Variants in PRH1 observed in about 807,000 individuals in gnomAD.
The protein encoded by PRH1 is salivary acidic proline-rich phosphoprotein 1/2.
A neutral mutation model predicts 7.9 loss-of-function variants in PRH1; 7 were observed. The observed-to-expected ratio is 0.89, with a 90% CI of 0.50 to 1.67. PRH1 has a LOEUF of 1.67. Ranked by LOEUF, PRH1 falls within the 40% of genes most tolerant of loss-of-function variation. The pLI is 0.00. For synonymous variants in PRH1, 45 were observed against 80.8 expected (o/e 0.56, Z 2.38); for missense variants, 109 against 223.6 (o/e 0.49, Z 3.27).
At position 10,882,124 on chromosome 12, in the gene PRH1, A is replaced by G. The variant is rs1390813447; in HGVS notation, c.*18+93T>C. 12 of 1,571,444 alleles carry G rather than the reference A, an allele frequency of 7.6e-6. No individual in the cohort carries two copies. The South Asian group carries it at 9.7e-5, about 13-fold the overall frequency. The stretch of plus-strand genomic sequence containing the variant: ...TAGAAATGTGTTCCAGGACAGGGCA[A>G]TATTAACAGGTTTTCAGAGGATTCA... On this transcript the variant is annotated intron_variant, in intron 3 of 3. Transcript: ENST00000543626.
At chr12:11,136,090 C>A (rs1448793227) in intron 1 of PRH1, among the ~76,000 whole-genome samples, 1 of 152,134 alleles carries the variant, frequency 6.6e-6, no homozygotes, top group African/African-American at 2.4e-5. Flanking sequence ...CCCCCTAAAC[C>A]CTTCTTCACA....
intron 1 of PRH1, among the ~76,000 whole-genome samples, chr12:11,114,063 C>G (rs749592189): frequency 6.6e-6 from 1 of 151,992 alleles, no homozygotes; most frequent in Non-Finnish European, 1.5e-5. Flanking sequence ...GGTGGGAGTG[C>G]AAATTAGTTC....
intron 1 of PRH1, among the ~76,000 whole-genome samples, chr12:11,165,632 T>C (rs1947551283): frequency 6.6e-6 from 1 of 152,246 alleles, no homozygotes; most frequent in African/African-American, 2.4e-5. Context: ...GGTTTTTGTA[T>C]GTGTGTATAC....
intron 1 of PRH1, chr12:10,997,295 G>C: frequency 6.2e-7 from 1 of 1,614,122 alleles, no homozygotes; most frequent in Non-Finnish European, 8.5e-7. Flanking sequence ...CAGCAGAAAA[G>C]ATATCAGGGT....
rs150923673 is a variant in PRH1, at chr12:10,900,858, G to A, written c.-58-16583C>T. 3.2e-3 allele frequency among the ~76,000 whole-genome samples: 492 copies of A among 152,182 alleles called. 2 individuals are homozygous for A. The highest frequency in any genetic ancestry group is 0.011 in the African/African-American group (448 of 41,528). ...TGCTTCATGCCTAGGCAGATCCCAG[G>A]ATTTTGGAGCACCTGCTAGCAAGGT... On this transcript the variant is annotated intron_variant, in intron 2 of 3. Coordinates refer to the PRH1 transcript ENST00000539853.
chr12:11,067,304 A>G (rs1943866767), intron 1 of PRH1, among the ~76,000 whole-genome samples: 2 of 152,358 alleles, frequency 1.3e-5, no homozygotes, highest in East Asian at 3.9e-4. Flanking sequence ...AATGCTAACA[A>G]TATGAATACA....
At chr12:11,023,826 T>C (rs991175214) in intron 1 of PRH1, among the ~76,000 whole-genome samples, 1 of 136,320 alleles carries the variant, frequency 7.3e-6, no homozygotes, top group Non-Finnish European at 1.6e-5. Context: ...CCACCAAACC[T>C]AGGTTAGAAA....
intron 1 of PRH1, chr12:11,092,461 G>A (rs1487503634): frequency 1.0e-5 from 3 of 293,344 alleles, no homozygotes; most frequent in African/African-American, 4.9e-5. Context: ...GTAGGTTGCC[G>A]CGGCTGGCTG....
intron 1 of PRH1, among the ~76,000 whole-genome samples, chr12:11,065,659 T>C (rs1943776662): frequency 8.4e-6 from 1 of 119,628 alleles, no homozygotes; most frequent in African/African-American, 2.8e-5. Flanking sequence ...TTGCTATAAA[T>C]CATTTTTTAA....
intron 2 of PRH1, chr12:10,930,743 G>C (rs1950195681): frequency 6.2e-7 from 1 of 1,612,744 alleles, no homozygotes; most frequent in Non-Finnish European, 8.5e-7. Context: ...CCCTCTGCTG[G>C]TGATGGGAAC....
At position 11,104,985 on chromosome 12, in the gene PRH1, A is replaced by G. The variant is rs141740850; in HGVS notation, n.124-57797T>C. ...CATATACACTTATTAATAATGCCTTATATATTATACATATTTATTTATATT... is the reference window on the plus strand; with the variant it reads ...CATATACACTTATTAATAATGCCTTGTATATTATACATATTTATTTATATT... On this transcript the variant is annotated intron_variant and non_coding_transcript_variant, in intron 1 of 4. Transcript: ENST00000541977. Among the ~76,000 whole-genome samples, 26 of 151,890 alleles carry G rather than the reference A, an allele frequency of 1.7e-4. No individual in the cohort carries two copies. In the East Asian group the frequency reaches 5.0e-3, roughly 29 times the overall value.
intron 1 of PRH1, among the ~76,000 whole-genome samples, chr12:11,162,644 C>T (rs904881282): frequency 1.3e-5 from 2 of 152,106 alleles, no homozygotes; most frequent in Non-Finnish European, 2.9e-5. Context: ...GACCAAAATC[C>T]TTGTTCTCCT....
At chr12:10,906,181 C>T (rs1949800154) in intron 2 of PRH1, among the ~76,000 whole-genome samples, 1 of 152,138 alleles carries the variant, frequency 6.6e-6, no homozygotes, top group African/African-American at 2.4e-5. Context: ...ACTAAAAATG[C>T]ATGTGGTATC....
At chr12:10,978,871 C>A (rs1256481071) in intron 1 of PRH1, among the ~76,000 whole-genome samples, 1 of 151,590 alleles carries the variant, frequency 6.6e-6, no homozygotes, top group African/African-American at 2.4e-5. Context: ...AACGAGATAA[C>A]CTCTCACACC....
chr12:11,134,451 A>C, intron 1 of PRH1: 1 of 595,544 alleles, frequency 1.7e-6, no homozygotes, highest in East Asian at 2.9e-5. Flanking sequence ...TTTATGGAAA[A>C]CATTCTTATT....
At chr12:11,145,934 C>A (rs892630883) in intron 1 of PRH1, among the ~76,000 whole-genome samples, 2 of 152,032 alleles carry the variant, frequency 1.3e-5, no homozygotes, top group Admixed American at 6.5e-5. Flanking sequence ...AGCTCTATAA[C>A]TGTTTTTGCA....
Position 11,082,711 on chromosome 12 carries a change from T to G in PRH1, n.124-35523A>C, listed in dbSNP as rs534750353. Among the ~76,000 whole-genome samples the G allele has an allele frequency of 3.4e-5, 4 of 116,070 alleles. 2 individuals carry two copies. In the East Asian group the frequency reaches 8.4e-4, roughly 24 times the overall value. The allele number at this position is 116,070 out of a possible 152,430, so 76.1% of individuals were successfully genotyped here. On this transcript the variant is annotated intron_variant and non_coding_transcript_variant, in intron 1 of 4. Coordinates refer to the PRH1 transcript ENST00000541977. ...ATATTTCCAGTGATTTACTTGCTAT[T>G]TTTTTCTTCTATTGCATTCTAAAAA... is the stretch of plus-strand genomic sequence containing the variant.
chr12:10,974,615 A>T (rs1425157154), intron 1 of PRH1, among the ~76,000 whole-genome samples: 1 of 152,190 alleles, frequency 6.6e-6, no homozygotes, highest in East Asian at 1.9e-4. Context: ...GTATCAAAGA[A>T]GATAAAAGAA....
At chr12:10,942,000 C>G (rs537489415) in intron 2 of PRH1, among the ~76,000 whole-genome samples, 3 of 152,112 alleles carry the variant, frequency 2.0e-5, no homozygotes, top group African/African-American at 7.2e-5. Flanking sequence ...TCTTCTGGAT[C>G]TAGTCACCAA....
Sources: allele counts gnomAD v4.1 joint callset (sites outside exome capture counted in the v4.1 genomes callset), GRCh38; gene constraint gnomAD v4.1.1; transcripts MANE v1.5; gene names NCBI Gene and HGNC (gene_info 2026-07-23, HGNC 2026-07-21).